Variants in ARHGAP26 observed in about 807,000 individuals in gnomAD.
ARHGAP26 encodes the protein Rho GTPase activating protein 26.
In ARHGAP26, 38 loss-of-function variants were observed where a neutral mutation model predicts 104.8. The ratio of observed to expected loss-of-function variants is 0.36; its 90% confidence interval spans 0.28 to 0.48. ARHGAP26 has a LOEUF of 0.48. Ranked by LOEUF, ARHGAP26 falls within the 20% of genes least tolerant of loss-of-function variation. The pLI, the probability that ARHGAP26 is intolerant of heterozygous loss-of-function variation, is 0.99. For missense variants in ARHGAP26, 704 were observed against 947.9 expected (o/e 0.74, Z 3.38); for synonymous variants, 341 against 340.0 (o/e 1.00, Z -0.03).
At chr5:143,208,593 A>T (rs1808968793) in intron 21 of ARHGAP26, among the ~76,000 whole-genome samples, 1 of 152,202 alleles carries the variant, frequency 6.6e-6, no homozygotes, top group African/African-American at 2.4e-5. Context: ...GAAAACTAAA[A>T]CACAGGGAGG....
intron 11 of ARHGAP26, among the ~76,000 whole-genome samples, chr5:142,947,268 A>G (rs981620846): frequency 2.6e-5 from 4 of 152,138 alleles, no homozygotes; most frequent in African/African-American, 7.2e-5. Context: ...GAAATCATCA[A>G]CATTCTTGGG....
chr5:143,177,507 A>C (rs189813053), intron 20 of ARHGAP26, among the ~76,000 whole-genome samples: 1 of 152,174 alleles, frequency 6.6e-6, no homozygotes, highest in East Asian at 1.9e-4. Flanking sequence ...AGACACGTAC[A>C]TGTATTTGAT....
chr5:143,140,340 T>C (rs1156442613), intron 19 of ARHGAP26, among the ~76,000 whole-genome samples: 4 of 152,154 alleles, frequency 2.6e-5, no homozygotes, highest in African/African-American at 9.7e-5. Flanking sequence ...GACTGAGATG[T>C]TTTAATGTCA....
rs182944531 is a variant in ARHGAP26 at position 143,039,854 on chromosome 5, C to G, written c.1211-1962C>G. 1.1e-4 allele frequency among the ~76,000 whole-genome samples: 16 copies of G among 152,216 alleles called. 2 individuals carry two copies. Among genetic ancestry groups the G allele is most frequent in the African/African-American group, 3.9e-4 (16 of 41,502 alleles). ...GAAGAGGTGTACAAGTTCCTCTTCC[C>G]CCTCTAAAATGAAAATGGAAATGAT... is the stretch of plus-strand genomic sequence containing the variant. On this transcript the variant is annotated intron_variant, in intron 13 of 22. Transcript: ENST00000645722.
At chr5:143,064,326 G>A (rs1787168964) in intron 17 of ARHGAP26, among the ~76,000 whole-genome samples, 1 of 151,802 alleles carries the variant, frequency 6.6e-6, no homozygotes, top group East Asian at 1.9e-4. Flanking sequence ...GCCAAAAGAG[G>A]AGCTCGATGT....
intron 11 of ARHGAP26, among the ~76,000 whole-genome samples, chr5:142,968,724 T>G (rs772491278): frequency 3.3e-5 from 5 of 152,226 alleles, no homozygotes; most frequent in Non-Finnish European, 7.3e-5. Context: ...CTTTTGCTTT[T>G]TGTAGTCTTT....
chr5:143,085,081 C>A (rs1790375704), intron 17 of ARHGAP26, among the ~76,000 whole-genome samples: 1 of 151,040 alleles, frequency 6.6e-6, no homozygotes, highest in African/African-American at 2.4e-5. Context: ...ACGCTTTCTG[C>A]ACGGGTAGAG....
intron 11 of ARHGAP26, among the ~76,000 whole-genome samples, chr5:142,993,539 A>G: frequency 6.6e-6 from 1 of 152,036 alleles, no homozygotes; most frequent in Admixed American, 6.5e-5. Flanking sequence ...TCCTGACCTC[A>G]GGTGATCCAC....
chr5:142,970,281 CATGAA>C (rs921834701), intron 11 of ARHGAP26, among the ~76,000 whole-genome samples: 7 of 152,116 alleles, frequency 4.6e-5, no homozygotes, highest in African/African-American at 1.7e-4. Flanking sequence ...GGGTAAGGGT[CATGAA>C]ATGAAATAAA....
At chr5:143,142,158 A>ATTTTT (rs1798621623) in intron 19 of ARHGAP26, among the ~76,000 whole-genome samples, 12 of 43,454 alleles carry the variant, frequency 2.8e-4, no homozygotes, top group Admixed American at 2.2e-3. Context: ...TTTTTTTTTG[A>ATTTTT]GACAGTCTTG....
In ARHGAP26 at chr5:143,222,516, C is replaced by G; in HGVS notation, c.*70C>G. The G allele has an allele frequency of 2.3e-6, 3 of 1,293,968 alleles. No individual in the cohort carries two copies. The highest frequency in any genetic ancestry group is 3.2e-6 in the Non-Finnish European group (3 of 949,306). The allele number at this position is 1,293,968 out of a possible 1,614,324, so 80.2% of individuals were successfully genotyped here. On this transcript the variant is annotated 3_prime_UTR_variant, in exon 23 of 23. Transcript: ENST00000645722. ...ACAACTGCTGATTCCAGTGTCGAGG[C>G]CATTTCTCTTTGCCACTGAGAAATG...
At chr5:142,859,821 C>A (rs2152301778) in intron 1 of ARHGAP26, 1 of 152,320 alleles carries the variant, frequency 6.6e-6, no homozygotes, top group South Asian at 2.1e-4. Context: ...GTTGGCTTAT[C>A]CAGGGAAATA....
intron 11 of ARHGAP26, among the ~76,000 whole-genome samples, chr5:142,947,825 G>T (rs777867378): frequency 1.3e-5 from 2 of 152,120 alleles, no homozygotes; most frequent in Non-Finnish European, 2.9e-5. Context: ...GGCCAAGATC[G>T]TTGAGTATAC....
intron 17 of ARHGAP26, among the ~76,000 whole-genome samples, chr5:143,091,849 CT>C (rs1791475606): frequency 6.6e-6 from 1 of 152,196 alleles, no homozygotes; most frequent in Non-Finnish European, 1.5e-5. Context: ...ACGGAATTTC[CT>C]TTACAATGAA....
chr5:143,085,791 C>T (rs1186647996), intron 17 of ARHGAP26, among the ~76,000 whole-genome samples: 5 of 152,086 alleles, frequency 3.3e-5, no homozygotes, highest in East Asian at 1.9e-4. Flanking sequence ...GCTGTGGGTA[C>T]GAGGAAGGAA....
At chr5:142,912,746 G>A (rs35532623) in intron 9 of ARHGAP26, among the ~76,000 whole-genome samples, 8,618 of 152,142 alleles carry the variant, frequency 0.057, 307 homozygotes, top group East Asian at 0.12. Flanking sequence ...TTCAGCTATG[G>A]TCAGTGCTGT....
intron 11 of ARHGAP26, chr5:143,010,653 A>C (rs1293662559): frequency 2.0e-5 from 3 of 152,332 alleles, no homozygotes; most frequent in African/African-American, 2.4e-5. Flanking sequence ...AGGTGAGTAC[A>C]TGTTTCTGGT....
chr5:142,900,005 T>C (rs1227725522), intron 6 of ARHGAP26, among the ~76,000 whole-genome samples: 1 of 152,198 alleles, frequency 6.6e-6, no homozygotes, highest in Admixed American at 6.5e-5. Context: ...GGAATGACCT[T>C]GGAATTAACT....
At chr5:142,792,369 T>C (rs906607837) in intron 1 of ARHGAP26, among the ~76,000 whole-genome samples, 1 of 152,262 alleles carries the variant, frequency 6.6e-6, no homozygotes, top group African/African-American at 2.4e-5. Context: ...CAGAAGAGAC[T>C]GTCTCTGTCT....
Sources: allele counts gnomAD v4.1 joint callset (sites outside exome capture counted in the v4.1 genomes callset), GRCh38; gene constraint gnomAD v4.1.1; transcripts MANE v1.5; gene names NCBI Gene and HGNC (gene_info 2026-07-23, HGNC 2026-07-21).